Variants in DTNBP1 observed in about 807,000 individuals in gnomAD.
The protein encoded by DTNBP1 is dysbindin.
DTNBP1 carries 35 observed loss-of-function variants against 42.8 expected under a neutral mutation model. The observed-to-expected ratio is 0.82, with a 90% CI of 0.63 to 1.09. The LOEUF (loss-of-function observed/expected upper bound fraction) is 1.09. DTNBP1 is among the 50% of genes least tolerant of loss of function. The probability of loss-of-function intolerance (pLI) is 0.00; values close to 1 mark genes in which losing one functional copy is unlikely to be tolerated. For missense variants in DTNBP1, 457 were observed against 424.2 expected (o/e 1.08, Z -0.68); for synonymous variants, 171 against 162.2 (o/e 1.05, Z -0.41).
At chr6:15,579,479 T>C (rs1163009099) in intron 7 of DTNBP1, among the ~76,000 whole-genome samples, 1 of 152,208 alleles carries the variant, frequency 6.6e-6, no homozygotes, top group Non-Finnish European at 1.5e-5. Context: ...AGGGTGACTA[T>C]AACAATTTAT....
At chr6:15,605,550 T>A (rs1448570596) in intron 6 of DTNBP1, among the ~76,000 whole-genome samples, 1 of 152,220 alleles carries the variant, frequency 6.6e-6, no homozygotes, top group Admixed American at 6.5e-5. Flanking sequence ...TATTATTGTC[T>A]GAAATTATTC....
chr6:15,652,177 C>A, intron 1 of DTNBP1, 37 bp from the exon 2 acceptor site: 1 of 1,483,478 alleles, frequency 6.7e-7, no homozygotes, highest in South Asian at 1.2e-5. Context: ...TTTTACAAGT[C>A]AAGAGATTAT....
chr6:15,585,473 A>G (rs954536270), intron 7 of DTNBP1, among the ~76,000 whole-genome samples: 2 of 151,806 alleles, frequency 1.3e-5, no homozygotes, highest in Admixed American at 6.6e-5. Flanking sequence ...CTACATTTCC[A>G]TGCAACATTT....
chr6:15,627,637 G>C (rs1759428578), intron 4 of DTNBP1, among the ~76,000 whole-genome samples, 162 bp from the exon 5 acceptor site: 1 of 152,072 alleles, frequency 6.6e-6, no homozygotes, highest in Non-Finnish European at 1.5e-5. Context: ...TTTTAGAAAA[G>C]AAACAACTTA....
intron 7 of DTNBP1, among the ~76,000 whole-genome samples, chr6:15,578,350 G>A (rs534025261): frequency 4.6e-5 from 7 of 152,352 alleles, no homozygotes; most frequent in East Asian, 1.9e-4. Context: ...CTCCTAGTGC[G>A]CAGAGGGGAA....
Position 15,527,052 on chromosome 6 carries a change from T to C in DTNBP1, c.668-2383A>G, listed in dbSNP as rs1007048257. 3.9e-5 allele frequency among the ~76,000 whole-genome samples: 6 copies of C among 152,200 alleles called. No individual in the cohort carries two copies. In the South Asian group the frequency reaches 6.2e-4, roughly 16 times the overall value. On this transcript the variant is annotated intron_variant, in intron 8 of 9. Transcript: ENST00000344537. ...ATGTTTCTTAAAAAATGAAAAGATATAATGAGGAAACAAATAATTAAGAAG... is the reference window on the plus strand; with the variant it reads ...ATGTTTCTTAAAAAATGAAAAGATACAATGAGGAAACAAATAATTAAGAAG...
intron 7 of DTNBP1, among the ~76,000 whole-genome samples, chr6:15,571,219 C>T (rs1272189457): frequency 2.0e-5 from 3 of 152,094 alleles, no homozygotes; most frequent in Non-Finnish European, 2.9e-5. Flanking sequence ...GGAGGTTCAT[C>T]GTACTACTTA....
At chr6:15,556,083 T>G (rs913418299) in intron 7 of DTNBP1, among the ~76,000 whole-genome samples, 2 of 152,096 alleles carry the variant, frequency 1.3e-5, no homozygotes, top group African/African-American at 4.8e-5. Context: ...GAATCCCTCC[T>G]AAGAAACAGG....
intron 7 of DTNBP1, among the ~76,000 whole-genome samples, chr6:15,567,404 G>A (rs1244550083): frequency 6.6e-6 from 1 of 152,152 alleles, no homozygotes; most frequent in Non-Finnish European, 1.5e-5. Flanking sequence ...AGTGAGCTAT[G>A]ATTGCACCAC....
chr6:15,612,458 C>T (rs983154730), intron 6 of DTNBP1, among the ~76,000 whole-genome samples: 4 of 152,204 alleles, frequency 2.6e-5, no homozygotes, highest in African/African-American at 9.7e-5. Context: ...CCAACAATCA[C>T]ATTTCAACAT....
rs752717673 is a variant in DTNBP1 at position 15,524,558 on chromosome 6, C to G, written c.779G>C (p.Gly260Ala). 1.2e-6 allele frequency: 2 copies of G among 1,610,442 alleles called. No homozygotes were observed. Among genetic ancestry groups the G allele is most frequent in the South Asian group, 2.2e-5 (2 of 90,572 alleles). Residue 260 changes from glycine to alanine, a missense_variant, in exon 9 of 10, where the codon GGA becomes GCA. Transcript: ENST00000344537. The part of the protein sequence containing the change: ...EALDVFLNSG[G>A]EENTVLSPAL... ...GGGGGACAGCACAGTGTTCTCTTCT[C>G]CTCCAGAGTTCAGGAAGACGTCCAG... is the stretch of plus-strand genomic sequence containing the variant.
chr6:15,551,577 G>C (rs577616362), intron 7 of DTNBP1, among the ~76,000 whole-genome samples: 7 of 152,034 alleles, frequency 4.6e-5, no homozygotes, highest in African/African-American at 1.7e-4. Context: ...CCACATCTCA[G>C]CTCGACTGCC....
chr6:15,596,338 G>A (rs1020074264), intron 6 of DTNBP1, among the ~76,000 whole-genome samples: 3 of 152,100 alleles, frequency 2.0e-5, no homozygotes, highest in African/African-American at 4.8e-5. Context: ...CAGCCTACTC[G>A]AGGATTTAAC....
chr6:15,634,809 C>T (rs1392700762), intron 4 of DTNBP1, among the ~76,000 whole-genome samples: 1 of 152,060 alleles, frequency 6.6e-6, no homozygotes, highest in Non-Finnish European at 1.5e-5. Context: ...TCATTTTAAC[C>T]CCACAAATTA....
intron 7 of DTNBP1, among the ~76,000 whole-genome samples, chr6:15,535,809 G>C (rs932321777): frequency 2.6e-5 from 4 of 152,220 alleles, no homozygotes; most frequent in African/African-American, 9.6e-5. Flanking sequence ...ACCTCCTAGA[G>C]ACTTGTGGAA....
intron 3 of DTNBP1, among the ~76,000 whole-genome samples, chr6:15,650,633 T>C (rs185994247): frequency 6.6e-6 from 1 of 152,318 alleles, no homozygotes; most frequent in East Asian, 1.9e-4. Context: ...GTTGAGCATC[T>C]TTTCATGTGC....
At chr6:15,632,229 G>A (rs1759737856) in intron 4 of DTNBP1, among the ~76,000 whole-genome samples, 1 of 151,914 alleles carries the variant, frequency 6.6e-6, no homozygotes, top group Non-Finnish European at 1.5e-5. Flanking sequence ...GGTGTTGTTT[G>A]ATTAAAAAAA....
intron 3 of DTNBP1, 106 bp downstream of exon 3, chr6:15,651,207 G>T (rs1760972437): frequency 9.9e-7 from 1 of 1,005,262 alleles, no homozygotes; most frequent in African/African-American, 1.6e-5. Flanking sequence ...ACTGCATTAA[G>T]ATAAAATTTA....
intron 6 of DTNBP1, among the ~76,000 whole-genome samples, chr6:15,601,428 T>C (rs1034998991): frequency 2.0e-5 from 3 of 152,232 alleles, no homozygotes; most frequent in Non-Finnish European, 1.5e-5. Context: ...GGATACTTTT[T>C]AGCTTTTAAA....
Sources: gnomAD v4.1 joint callset for allele counts (sites outside exome capture counted in the v4.1 genomes callset) on GRCh38, gnomAD v4.1.1 for gene constraint, MANE v1.5 for transcripts, NCBI Gene and HGNC (gene_info 2026-07-23, HGNC 2026-07-21) for gene names.